QNG1: variants seen among roughly 807,000 people sequenced by gnomAD.
The protein encoded by QNG1 is queuosine 5'-phosphate N-glycosylase/hydrolase.
the QNG1 span, chr9:83,955,423 C>T: frequency 1.2e-6 from 2 of 1,614,172 alleles, no homozygotes; most frequent in East Asian, 2.2e-5. Flanking sequence ...AACTTTCAAC[C>T]ACCAGGTGCA....
At chr9:83,943,213 G>T in the QNG1 span, among the ~76,000 whole-genome samples, 1 of 151,344 alleles carries the variant, frequency 6.6e-6, no homozygotes, top group African/African-American at 2.4e-5. Flanking sequence ...CGTGGCATGC[G>T]CCTGTAATCC....
chr9:83,955,541 T>C, the QNG1 span: 1 of 1,614,194 alleles, frequency 6.2e-7, no homozygotes, highest in Admixed American at 1.7e-5. Context: ...ATGCCTCTCT[T>C]CTACTAAAGG....
At chr9:83,946,817 T>C in the QNG1 span, among the ~76,000 whole-genome samples, 2 of 152,164 alleles carry the variant, frequency 1.3e-5, no homozygotes, top group Admixed American at 1.3e-4. Flanking sequence ...CAGACTGGTC[T>C]CAAACTCCTG....
At chr9:83,939,515 T>C in the QNG1 span, 310 of 1,607,982 alleles carry the variant, frequency 1.9e-4, 1 homozygote, top group Non-Finnish European at 2.3e-4. Context: ...TTGAGGTCAA[T>C]AATATATGCA....
chr9:83,946,482 T>C, the QNG1 span, among the ~76,000 whole-genome samples: 2 of 152,186 alleles, frequency 1.3e-5, no homozygotes, highest in Admixed American at 6.5e-5. Flanking sequence ...TTTACCAATT[T>C]TGGAAATGCT....
chr9:83,956,089 G>A, the QNG1 span: 1 of 1,470,892 alleles, frequency 6.8e-7, no homozygotes, highest in Non-Finnish European at 9.3e-7. Context: ...CCGCTCCTTG[G>A]AACTCCCCTA....
At chr9:83,950,252 G>A in the QNG1 span, among the ~76,000 whole-genome samples, 62 of 152,010 alleles carry the variant, frequency 4.1e-4, no homozygotes, top group South Asian at 0.012. Context: ...GTTTCACCAC[G>A]TGTGCCAGGC....
chr9:83,948,020 G>A, the QNG1 span, among the ~76,000 whole-genome samples: 7 of 149,408 alleles, frequency 4.7e-5, no homozygotes, highest in South Asian at 4.2e-4. Context: ...CCCAGTCTGG[G>A]AAGTGAGGAG....
the QNG1 span, among the ~76,000 whole-genome samples, chr9:83,950,097 T>C: frequency 6.6e-6 from 1 of 151,200 alleles, no homozygotes; most frequent in South Asian, 2.1e-4. Flanking sequence ...TTGCCCAGGC[T>C]GGAGTGCAAT....
At chr9:83,953,240 AT>A in the QNG1 span, among the ~76,000 whole-genome samples, 1 of 152,166 alleles carries the variant, frequency 6.6e-6, no homozygotes, top group African/African-American at 2.4e-5. Context: ...TTTCTGGTAC[AT>A]TTTTTAAAAA....
the QNG1 span, chr9:83,955,289 T>G: frequency 7.4e-7 from 1 of 1,349,272 alleles, no homozygotes; most frequent in Admixed American, 2.4e-5. Flanking sequence ...ATTTAAAAAT[T>G]TAAGTTTTTA....
At chr9:83,942,460 G>C in the QNG1 span, among the ~76,000 whole-genome samples, 1 of 152,148 alleles carries the variant, frequency 6.6e-6, no homozygotes, top group Non-Finnish European at 1.5e-5. Flanking sequence ...CACTTCCAAG[G>C]GTTGTCCCTG....
chr9:83,953,852 G>GA, the QNG1 span: 1 of 1,513,858 alleles, frequency 6.6e-7, no homozygotes, highest in African/African-American at 1.4e-5. Flanking sequence ...CACTGTGTAT[G>GA]AAAAAGAAAA....
chr9:83,943,080 G>A, the QNG1 span, among the ~76,000 whole-genome samples: 3 of 152,062 alleles, frequency 2.0e-5, no homozygotes, highest in African/African-American at 4.8e-5. Context: ...GGTGGCTCAC[G>A]CCTGTAATCC....
the QNG1 span, among the ~76,000 whole-genome samples, chr9:83,952,332 T>C: frequency 6.6e-6 from 1 of 152,212 alleles, no homozygotes; most frequent in African/African-American, 2.4e-5. Flanking sequence ...CAAGTACTCA[T>C]GAGAAATGGT....
chr9:83,943,903 C>A, the QNG1 span, among the ~76,000 whole-genome samples: 1 of 152,100 alleles, frequency 6.6e-6, no homozygotes, highest in East Asian at 1.9e-4. Context: ...CGCCTGTAGT[C>A]CCAGCTACTC....
At chr9:83,941,164 G>T in the QNG1 span, among the ~76,000 whole-genome samples, 82 of 152,272 alleles carry the variant, frequency 5.4e-4, no homozygotes, top group Middle Eastern at 3.4e-3. Context: ...CAGCACTCAG[G>T]TTCCTGACCC....
the QNG1 span, among the ~76,000 whole-genome samples, chr9:83,948,770 A>G: frequency 6.6e-6 from 1 of 152,218 alleles, no homozygotes; most frequent in South Asian, 2.1e-4. Context: ...CTGCCTTGGG[A>G]TGCTGTTAAT....
the QNG1 span, chr9:83,953,958 A>AG: frequency 1.5e-6 from 1 of 681,856 alleles, no homozygotes; most frequent in Admixed American, 2.6e-5. Flanking sequence ...GCAGTGGTGC[A>AG]ATCTCGGCTC....
Sources: gnomAD v4.1 joint callset for allele counts (sites outside exome capture counted in the v4.1 genomes callset) on GRCh38, gnomAD v4.1.1 for gene constraint, MANE v1.5 for transcripts, NCBI Gene and HGNC (gene_info 2026-07-23, HGNC 2026-07-21) for gene names.